Variants in RNF182 observed in about 807,000 individuals in gnomAD.
RNF182 encodes the protein ring finger protein 182.
Under a neutral mutation model 14.4 loss-of-function variants are expected in RNF182, and 15 were observed. The ratio of observed to expected loss-of-function variants is 1.04; its 90% CI spans 0.70 to 1.60. The LOEUF (loss-of-function observed/expected upper bound fraction) is 1.60. Ranked by LOEUF, RNF182 falls within the 40% of genes most tolerant of loss-of-function variation. The pLI is 0.00. For missense variants in RNF182, 268 were observed against 294.8 expected, an observed-to-expected ratio of 0.91 and a Z score of 0.67; for synonymous variants, 128 against 122.9, an observed-to-expected ratio of 1.04 and a Z score of -0.27.
chr6:13,928,454 A>G (rs1758885195), intron 1 of RNF182, among the ~76,000 whole-genome samples: 1 of 152,188 alleles, frequency 6.6e-6, no homozygotes, highest in South Asian at 2.1e-4. Flanking sequence ...ATGATACCCA[A>G]ATACTCTCCT....
At position 13,979,695 on chromosome 6, in the gene RNF182, T is replaced by C. The variant is rs997630020; in HGVS notation, c.*1832T>C. 1.8e-5 allele frequency: 3 copies of C among 166,878 alleles called. No homozygotes were observed. Among genetic ancestry groups the C allele is most frequent in the Admixed American group, 6.5e-5 (1 of 15,280 alleles). 10.3% of individuals were successfully genotyped at this position (166,878 alleles called of 1,614,324 possible). A position where few individuals can be genotyped will look rare whatever the true frequency, so the allele number is the denominator to read the frequency against. ...TTTGGATTTATATATTTGTAAGGTT[T>C]TTTTAAAAAAATGTTCGTTTTGTTT... On this transcript the variant is annotated 3_prime_UTR_variant, in exon 3 of 3. Coordinates refer to ENST00000488300, the MANE Select transcript of RNF182 (RefSeq NM_152737.4).
chr6:13,951,875 T>G (rs553397142), intron 1 of RNF182, among the ~76,000 whole-genome samples: 1 of 152,306 alleles, frequency 6.6e-6, no homozygotes, highest in Non-Finnish European at 1.5e-5. Flanking sequence ...CATTTTCCAT[T>G]TTGTCCAGAG....
At chr6:13,960,688 T>C (rs75867760) in intron 1 of RNF182, among the ~76,000 whole-genome samples, 34,140 of 117,094 alleles carry the variant, frequency 0.29, 4,060 homozygotes, top group Middle Eastern at 0.39. Flanking sequence ...TGTGTGTGTG[T>C]GTGTGCGCGC....
intron 1 of RNF182, among the ~76,000 whole-genome samples, chr6:13,951,842 G>T (rs1759600621): frequency 6.6e-6 from 1 of 152,144 alleles, no homozygotes; most frequent in Non-Finnish European, 1.5e-5. Context: ...CACCCAACAG[G>T]CTATGTGGGG....
chr6:13,950,497 A>ATT (rs1585037834), intron 1 of RNF182, among the ~76,000 whole-genome samples: 5 of 72,202 alleles, frequency 6.9e-5, no homozygotes, highest in Admixed American at 1.7e-4. Flanking sequence ...CAAAACAGGT[A>ATT]CTTTTTTTTT....
chr6:13,980,052 C>CTT lies in RNF182; in HGVS notation c.*2191_*2192dup, dbSNP rs1478965243. The CTT allele has an allele frequency of 6.4e-6, 1 of 157,438 alleles. No individual in the cohort carries two copies. The highest frequency in any genetic ancestry group is 1.5e-5 in the Non-Finnish European group (1 of 68,036). 9.8% of individuals were successfully genotyped at this position (157,438 alleles called of 1,614,324 possible). On this transcript the variant is annotated 3_prime_UTR_variant, in exon 3 of 3. Coordinates refer to ENST00000488300, the MANE Select transcript of RNF182 (RefSeq NM_152737.4). ...ACTTATGGTTAAAATTCAGTTATGA[C>CTT]TTTGCACCTCTGTTAGCTTTAGATA...
In RNF182 at chr6:13,979,667, T is replaced by A. The variant is rs1760441835; in HGVS notation, c.*1804T>A. 6.0e-6 allele frequency: 1 copy of A among 166,654 alleles called. No individual in the cohort carries two copies. The highest frequency in any genetic ancestry group is 1.5e-5 in the Non-Finnish European group (1 of 68,104). The allele number at this position is 166,654 out of a possible 1,614,324, so 10.3% of individuals were successfully genotyped here. A position where few individuals can be genotyped will look rare whatever the true frequency, so the allele number is the denominator to read the frequency against. ...AATACCATGTTTAGAAGATGTTTTGTGGTTTGGATTTATATATTTGTAAGG... is the reference window on the plus strand; with the variant it reads ...AATACCATGTTTAGAAGATGTTTTGAGGTTTGGATTTATATATTTGTAAGG... On this transcript the variant is annotated 3_prime_UTR_variant, in exon 3 of 3. Coordinates refer to ENST00000488300, the MANE Select transcript of RNF182 (RefSeq NM_152737.4).
At chr6:13,933,933 G>T (rs919184287) in intron 1 of RNF182, among the ~76,000 whole-genome samples, 1 of 152,054 alleles carries the variant, frequency 6.6e-6, no homozygotes, top group African/African-American at 2.4e-5. Flanking sequence ...CAGGAGAATC[G>T]CTTGAACCTG....
intron 1 of RNF182, among the ~76,000 whole-genome samples, chr6:13,933,193 A>G (rs1241410212): frequency 6.6e-6 from 1 of 152,150 alleles, no homozygotes; most frequent in Non-Finnish European, 1.5e-5. Flanking sequence ...TTTAATCCTT[A>G]GACCAGTGCT....
At chr6:13,951,738 C>T (rs777260729) in intron 1 of RNF182, among the ~76,000 whole-genome samples, 1 of 152,120 alleles carries the variant, frequency 6.6e-6, no homozygotes, top group Non-Finnish European at 1.5e-5. Context: ...GCTTGTTGCC[C>T]CATAGCTGTG....
intron 1 of RNF182, 145 bp downstream of exon 1, chr6:13,925,168 A>G (rs1561771904): frequency 7.8e-6 from 1 of 127,408 alleles, no homozygotes. Flanking sequence ...CTTCGGGCCG[A>G]GCGGCGCCGG....
intron 1 of RNF182, among the ~76,000 whole-genome samples, chr6:13,967,210 A>C (rs1760055246): frequency 6.6e-6 from 1 of 152,208 alleles, no homozygotes; most frequent in Admixed American, 6.5e-5. Flanking sequence ...ATCCCAGGCA[A>C]ATGCGGAGTC....
At chr6:13,939,790 G>A (rs879634611) in intron 1 of RNF182, among the ~76,000 whole-genome samples, 13 of 152,120 alleles carry the variant, frequency 8.5e-5, no homozygotes, top group African/African-American at 1.4e-4. Context: ...TGATCCACCC[G>A]CCTCAGCCTT....
At chr6:13,968,366 G>A (rs2113641090) in intron 1 of RNF182, among the ~76,000 whole-genome samples, 1 of 152,130 alleles carries the variant, frequency 6.6e-6, no homozygotes, top group Middle Eastern at 3.4e-3. Context: ...ATTTAACTGA[G>A]GAAGAAATGA....
intron 2 of RNF182, among the ~76,000 whole-genome samples, chr6:13,975,491 A>G (rs993172045): frequency 6.6e-6 from 1 of 152,204 alleles, no homozygotes; most frequent in African/African-American, 2.4e-5. Context: ...TCCTACCTAC[A>G]TTTTTGGCTA....
rs1362080723 is a variant in RNF182 at position 13,978,920 on chromosome 6, C to T, written c.*1057C>T. On this transcript the variant is annotated 3_prime_UTR_variant, in exon 3 of 3. Transcript: ENST00000488300. ...CTGAGAACCTAAGTATTTTGCTGTA[C>T]GGTACTGAGCTGTACCAAAATATGA... 6.0e-6 allele frequency: 1 copy of T among 167,028 alleles called. No homozygotes were observed. Among genetic ancestry groups the T allele is most frequent in the African/African-American group, 2.4e-5 (1 of 41,428 alleles). The allele number at this position is 167,028 out of a possible 1,614,324, so 10.3% of individuals were successfully genotyped here. A position where few individuals can be genotyped will look rare whatever the true frequency, so the allele number is the denominator to read the frequency against.
chr6:13,954,380 A>C (rs1396797021), intron 1 of RNF182, among the ~76,000 whole-genome samples: 1 of 152,214 alleles, frequency 6.6e-6, no homozygotes, highest in Admixed American at 6.5e-5. Flanking sequence ...TAGAATTAGA[A>C]TCCAAACAAG....
chr6:13,937,340 G>C (rs1481126464), intron 1 of RNF182, among the ~76,000 whole-genome samples: 4 of 152,144 alleles, frequency 2.6e-5, no homozygotes, highest in African/African-American at 9.7e-5. Context: ...TGCCCCCAAA[G>C]GTGACCCATA....
intron 1 of RNF182, among the ~76,000 whole-genome samples, chr6:13,930,111 T>A (rs9396264): frequency 0.32 from 47,914 of 152,050 alleles, 8,181 homozygotes; most frequent in East Asian, 0.61. Flanking sequence ...TTGGAAATAT[T>A]TGGAAAAATA....
Sources: gnomAD v4.1 joint callset for allele counts (sites outside exome capture counted in the v4.1 genomes callset) on GRCh38, gnomAD v4.1.1 for gene constraint, MANE v1.5 for transcripts, NCBI Gene and HGNC (gene_info 2026-07-23, HGNC 2026-07-21) for gene names.